STK3: variants seen among roughly 807,000 people sequenced by gnomAD.
The protein encoded by STK3 is serine/threonine-protein kinase 3.
Under a neutral mutation model 58.0 loss-of-function variants are expected in STK3, and 41 were observed. The observed-to-expected ratio is 0.71, with a 90% CI of 0.55 to 0.92. STK3 has a LOEUF of 0.92. STK3 is among the 40% of genes least tolerant of loss of function. STK3 has a pLI of 0.00. For missense variants in STK3, 479 were observed against 602.7 expected (o/e 0.79, Z 2.15); for synonymous variants, 170 against 191.0 (o/e 0.89, Z 0.91).
the STK3 span, among the ~76,000 whole-genome samples, chr8:98,354,934 C>T: frequency 1.3e-5 from 2 of 152,242 alleles, no homozygotes; most frequent in African/African-American, 2.4e-5. Context: ...CCTGCAACCA[C>T]GCCTGGCTAA....
At chr8:98,697,095 T>C (rs1254649855) in intron 6 of STK3, among the ~76,000 whole-genome samples, 3 of 152,218 alleles carry the variant, frequency 2.0e-5, no homozygotes, top group Non-Finnish European at 4.4e-5. Context: ...GGAGGGTGTA[T>C]GTGTCGAGGA....
chr8:98,554,668 A>G (rs146243564), intron 8 of STK3, among the ~76,000 whole-genome samples: 81 of 152,232 alleles, frequency 5.3e-4, no homozygotes, highest in Non-Finnish European at 9.1e-4. Context: ...TCAATTCACT[A>G]ATGAGAGGGT....
intron 9 of STK3, among the ~76,000 whole-genome samples, chr8:98,536,395 A>G (rs376514835): frequency 1.3e-5 from 2 of 152,228 alleles, no homozygotes. Context: ...TGAAGCTGCA[A>G]TAAGCTATGG....
chr8:98,565,049 T>C (rs10089307), intron 8 of STK3, among the ~76,000 whole-genome samples: 6,341 of 152,250 alleles, frequency 0.042, 176 homozygotes, highest in Non-Finnish European at 0.06. Flanking sequence ...AAATAAAAAG[T>C]TAACTTAAAA....
chr8:98,904,852 A>C, intron 1 of STK3: 2 of 671,078 alleles, frequency 3.0e-6, no homozygotes, highest in Non-Finnish European at 2.9e-6. Flanking sequence ...TATCTGTCTT[A>C]GGGATTAGCA....
chr8:98,922,162 T>C (rs1388737393), intron 1 of STK3, among the ~76,000 whole-genome samples: 1 of 150,610 alleles, frequency 6.6e-6, no homozygotes, highest in African/African-American at 2.4e-5. Context: ...AAAACTCAAA[T>C]AAAATCACTT....
intron 1 of STK3, among the ~76,000 whole-genome samples, chr8:98,903,473 C>G (rs1162723652): frequency 5.9e-5 from 9 of 151,326 alleles, no homozygotes; most frequent in African/African-American, 2.2e-4. Context: ...TATATTTCCA[C>G]TTCAATTTAG....
rs33934435 is a variant in STK3 at position 98,380,963 on chromosome 8, CTTTTTTTTTTTTT to C, written n.57-1769_57-1757del. 3.2e-4 allele frequency among the ~76,000 whole-genome samples: 14 copies of C among 44,122 alleles called. No individual in the cohort carries two copies. In the East Asian group the frequency reaches 8.2e-3, roughly 26 times the overall value. 28.9% of individuals were successfully genotyped at this position (44,122 alleles called of 152,430 possible). A position where few individuals can be genotyped will look rare whatever the true frequency, so the allele number is the denominator to read the frequency against. On this transcript the variant is annotated intron_variant and non_coding_transcript_variant, in intron 1 of 2. Coordinates refer to the STK3 transcript ENST00000518704. ...TTTAATTAATTAATTTCTCTCTCTC[CTTTTTTTTTTTTT>C]TTTTTTTTTTTTTGAGATAGTTTCA... is the stretch of plus-strand genomic sequence containing the variant.
chr8:98,808,651 C>T (rs1834029888), intron 1 of STK3, among the ~76,000 whole-genome samples: 1 of 152,098 alleles, frequency 6.6e-6, no homozygotes, highest in Admixed American at 6.6e-5. Context: ...TTATCCATTT[C>T]CCAAACTTTT....
At chr8:98,349,435 G>A in the STK3 span, among the ~76,000 whole-genome samples, 1 of 152,194 alleles carries the variant, frequency 6.6e-6, no homozygotes, top group Non-Finnish European at 1.5e-5. Context: ...TGTTGAGCAT[G>A]GCTTTTCCAG....
At chr8:98,631,683 G>A (rs1032107201) in intron 6 of STK3, among the ~76,000 whole-genome samples, 1 of 151,270 alleles carries the variant, frequency 6.6e-6, no homozygotes, top group African/African-American at 2.4e-5. Flanking sequence ...TTTTTTTCCC[G>A]AGACAGTGTC....
chr8:98,391,930 T>C (rs1817851521), upstream of STK3, among the ~76,000 whole-genome samples: 2 of 152,334 alleles, frequency 1.3e-5, no homozygotes, highest in Non-Finnish European at 1.5e-5. Flanking sequence ...AAACTGATAG[T>C]TCCCCCTTTT....
intron 1 of STK3, among the ~76,000 whole-genome samples, chr8:98,918,287 G>A (rs193122662): frequency 1.1e-3 from 165 of 152,254 alleles, no homozygotes; most frequent in African/African-American, 3.8e-3. Context: ...GTTTAGCTGG[G>A]GGGTCAAAGC....
At chr8:98,873,670 T>G (rs1403794672) in intron 3 of STK3, among the ~76,000 whole-genome samples, 1 of 151,944 alleles carries the variant, frequency 6.6e-6, no homozygotes, top group Non-Finnish European at 1.5e-5. Flanking sequence ...ACCCCTGCTT[T>G]TTTTTTTTGT....
At chr8:98,625,351 G>A (rs986341252) in intron 6 of STK3, among the ~76,000 whole-genome samples, 1 of 152,048 alleles carries the variant, frequency 6.6e-6, no homozygotes, top group Admixed American at 6.6e-5. Context: ...GTAAACAAGA[G>A]CAAAGATCTG....
chr8:98,456,603 A>C (rs1819505901), intron 10 of STK3, among the ~76,000 whole-genome samples: 1 of 152,184 alleles, frequency 6.6e-6, no homozygotes, highest in Admixed American at 6.6e-5. Flanking sequence ...AGAGTAATCC[A>C]GATTTGGTTT....
At chr8:98,736,348 G>C (rs1385106224) in intron 4 of STK3, among the ~76,000 whole-genome samples, 1 of 152,078 alleles carries the variant, frequency 6.6e-6, no homozygotes, top group African/African-American at 2.4e-5. Context: ...TGAGGCAAGG[G>C]CATACATATA....
intron 10 of STK3, among the ~76,000 whole-genome samples, chr8:98,520,046 T>C (rs1825234567): frequency 1.3e-5 from 2 of 152,162 alleles, no homozygotes; most frequent in African/African-American, 4.8e-5. Flanking sequence ...TATGATACTG[T>C]AATTTCTGCA....
intron 2 of STK3, among the ~76,000 whole-genome samples, chr8:98,434,991 G>A (rs891936709): frequency 6.6e-6 from 1 of 152,178 alleles, no homozygotes; most frequent in African/African-American, 2.4e-5. Flanking sequence ...CCTCCTGGGG[G>A]CAACGATCAC....
Sources: allele counts gnomAD v4.1 joint callset (sites outside exome capture counted in the v4.1 genomes callset), GRCh38; gene constraint gnomAD v4.1.1; transcripts MANE v1.5; gene names NCBI Gene and HGNC (gene_info 2026-07-23, HGNC 2026-07-21).